The following DIS3L2 variants were observed in gnomAD, a reference collection of about 807,000 sequenced individuals.
DIS3L2 encodes the protein DIS3-like exonuclease 2.
A neutral mutation model predicts 97.5 loss-of-function variants in DIS3L2; 34 were observed. That is an observed-to-expected ratio of 0.35 (90% CI 0.27 to 0.46). The LOEUF is 0.46. Among genes scored for constraint, DIS3L2 ranks in the 20% least tolerant of loss-of-function variants. DIS3L2 has a pLI of 1.00. For missense variants in DIS3L2, 1,038 were observed against 1,146.0 expected, an observed-to-expected ratio of 0.91 and a Z score of 1.36; for synonymous variants, 435 against 445.2, an observed-to-expected ratio of 0.98 and a Z score of 0.29.
At chr2:231,979,251 A>T (rs563618727) in intron 1 of DIS3L2, among the ~76,000 whole-genome samples, 1 of 151,682 alleles carries the variant, frequency 6.6e-6, no homozygotes, top group Non-Finnish European at 1.5e-5. Flanking sequence ...ATTTATTTTT[A>T]TTTAATTTAT....
intron 13 of DIS3L2, among the ~76,000 whole-genome samples, chr2:232,297,099 C>T (rs1328026323): frequency 1.3e-5 from 2 of 152,172 alleles, no homozygotes; most frequent in African/African-American, 4.8e-5. Context: ...TAGCTGTCTC[C>T]AACGCCACTG....
At chr2:232,340,941 A>C (rs1359721131), downstream of DIS3L2, 1 of 470,672 alleles carries the variant, frequency 2.1e-6, no homozygotes. Flanking sequence ...AGGAAAAAGA[A>C]AGCTGTAGAA....
chr2:232,262,904 AC>A (rs1263416649), intron 12 of DIS3L2, among the ~76,000 whole-genome samples: 1 of 151,816 alleles, frequency 6.6e-6, no homozygotes, highest in Non-Finnish European at 1.5e-5. Flanking sequence ...ATGCCCACTC[AC>A]CGAAACTAAT....
At chr2:231,962,591 C>G (rs1244436036) in intron 1 of DIS3L2, among the ~76,000 whole-genome samples, 1 of 152,062 alleles carries the variant, frequency 6.6e-6, no homozygotes, top group Non-Finnish European at 1.5e-5. Context: ...CCCGCCACCC[C>G]GCCCGGCTAA....
chr2:232,226,672 T>C (rs1456421390), intron 10 of DIS3L2, among the ~76,000 whole-genome samples: 1 of 152,094 alleles, frequency 6.6e-6, no homozygotes, highest in African/African-American at 2.4e-5. Context: ...TATTACAAAA[T>C]ACAAAAGTCA....
chr2:231,998,437 A>G (rs1693789231), intron 1 of DIS3L2, among the ~76,000 whole-genome samples: 1 of 152,216 alleles, frequency 6.6e-6, no homozygotes, highest in Non-Finnish European at 1.5e-5. Context: ...AAATTTCAAC[A>G]TAAATTTTGG....
intron 9 of DIS3L2, among the ~76,000 whole-genome samples, chr2:232,167,256 A>G (rs1278501474): frequency 6.6e-6 from 1 of 152,290 alleles, no homozygotes; most frequent in African/African-American, 2.4e-5. Flanking sequence ...TGAATTTACT[A>G]CATTGATAGT....
rs1316257237 is a variant in DIS3L2, at chr2:232,293,518, A to C, written c.1660-6522A>C. Among the ~76,000 whole-genome samples, 1 of 152,156 alleles carries C rather than the reference A, an allele frequency of 6.6e-6. No individual in the cohort carries two copies. The highest frequency in any genetic ancestry group is 1.5e-5 in the Non-Finnish European group (1 of 68,016). On this transcript the variant is annotated intron_variant, in intron 13 of 20. Transcript: ENST00000325385. This position sits in a 1 kb window ranked among gnomAD's most constrained non-coding sequence, Gnocchi z 4.6. ...AAGCAGGTGGAGCATGAGGAAGGGC[A>C]CAGAGGCCTAAGAGAGCCTGGTCTG...
intron 14 of DIS3L2, among the ~76,000 whole-genome samples, chr2:232,304,884 C>T (rs1255752535): frequency 6.6e-6 from 1 of 152,214 alleles, no homozygotes. Flanking sequence ...CTTTGGTTCT[C>T]TCTAATCTCT....
At position 231,964,544 on chromosome 2, in the gene DIS3L2, G is replaced by A. The variant is rs1274769813; in HGVS notation, c.-94+2779G>A. Among the ~76,000 whole-genome samples, 3 of 152,262 alleles carry A rather than the reference G, an allele frequency of 2.0e-5. No individual in the cohort carries two copies. In the South Asian group the frequency reaches 6.2e-4, roughly 32 times the overall value. On this transcript the variant is annotated intron_variant, in intron 1 of 20. Coordinates refer to ENST00000325385, the MANE Select transcript of DIS3L2 (RefSeq NM_152383.5). ...ATGAGCTGTACTAAGAAAACTGTAA[G>A]CCTTATTTGAACATGGTTGGATAAC...
rs10685309 is a variant in DIS3L2 at position 232,269,754 on chromosome 2, C to CAGAGAG, written c.1659+6321_1659+6326dup. 6.6e-4 allele frequency among the ~76,000 whole-genome samples: 100 copies of CAGAGAG among 150,946 alleles called. 1 individual carries two copies. Among genetic ancestry groups the CAGAGAG allele is most frequent in the African/African-American group, 2.1e-3 (87 of 41,042 alleles). ...GTTCCAGGGTGTGTGGTGTAGGGTG[C>CAGAGAG]AGAGAGAGAGAGGAGCTAGAGGAGA... On this transcript the variant is annotated intron_variant, in intron 13 of 20. Transcript: ENST00000325385. This position sits in a 1 kb window ranked among gnomAD's most constrained non-coding sequence, Gnocchi z 4.5.
At chr2:232,228,395 TAAG>T (rs893165482) in intron 10 of DIS3L2, among the ~76,000 whole-genome samples, 1 of 152,158 alleles carries the variant, frequency 6.6e-6, no homozygotes, top group Non-Finnish European at 1.5e-5. Flanking sequence ...GCCTCAGACA[TAAG>T]AAAGACTAGG....
intron 5 of DIS3L2, among the ~76,000 whole-genome samples, chr2:232,041,164 G>A (rs1695101414): frequency 6.6e-6 from 1 of 152,106 alleles, no homozygotes; most frequent in African/African-American, 2.4e-5. Context: ...GAGAATGAGG[G>A]AGAACCTTAA....
At chr2:231,984,594 C>G (rs1425677053) in intron 1 of DIS3L2, among the ~76,000 whole-genome samples, 1 of 151,700 alleles carries the variant, frequency 6.6e-6, no homozygotes, top group Non-Finnish European at 1.5e-5. Context: ...GGGGTTTCAC[C>G]GTGTTAGCCA....
chr2:232,336,423 A>G, intron 20 of DIS3L2, 46 bp from the exon 21 acceptor site: 1 of 1,584,558 alleles, frequency 6.3e-7, no homozygotes. Flanking sequence ...GCGCCTCGAC[A>G]TCAGGCCCTG....
intron 16 of DIS3L2, among the ~76,000 whole-genome samples, chr2:232,332,486 G>A (rs532426029): frequency 1.6e-4 from 25 of 151,642 alleles, no homozygotes; most frequent in African/African-American, 5.9e-4. Context: ...GGACCTCTGC[G>A]AGGAACCCGT....
chr2:232,233,442 C>T (rs1692850847), intron 10 of DIS3L2, among the ~76,000 whole-genome samples: 1 of 152,220 alleles, frequency 6.6e-6, no homozygotes, highest in Non-Finnish European at 1.5e-5. Flanking sequence ...CTGATAACCT[C>T]CCAGAGGTCT....
At position 232,256,810 on chromosome 2, in the gene DIS3L2, A is replaced by G. The variant is rs1021347161; in HGVS notation, c.1426-6397A>G. Reference sequence around the variant, plus strand: ...TCGAGACCCTGTTTCTAAAATATAAATGAATGAATAAATAAATAAATATTT... The same window carrying G: ...TCGAGACCCTGTTTCTAAAATATAAGTGAATGAATAAATAAATAAATATTT... On this transcript the variant is annotated intron_variant, in intron 12 of 20. Coordinates refer to ENST00000325385, the MANE Select transcript of DIS3L2 (RefSeq NM_152383.5). Among the ~76,000 whole-genome samples, 34 of 152,150 alleles carry G rather than the reference A, an allele frequency of 2.2e-4. 1 individual carries two copies. Among genetic ancestry groups the G allele is most frequent in the Non-Finnish European group, 4.4e-5 (3 of 68,034 alleles).
At chr2:232,217,705 A>G (rs1399153358) in intron 10 of DIS3L2, among the ~76,000 whole-genome samples, 1 of 152,250 alleles carries the variant, frequency 6.6e-6, no homozygotes, top group Non-Finnish European at 1.5e-5. Flanking sequence ...AAGGATCCAG[A>G]TAAACAGTTG....
Sources: gnomAD v4.1 joint callset for allele counts (sites outside exome capture counted in the v4.1 genomes callset) on GRCh38, gnomAD v4.1.1 for gene constraint, Gnocchi (gnomAD v3.1) non-coding constraint, MANE v1.5 for transcripts, NCBI Gene and HGNC (gene_info 2026-07-23, HGNC 2026-07-21) for gene names.